Variants in AGPS observed in about 807,000 individuals in gnomAD.
AGPS encodes the protein alkyldihydroxyacetonephosphate synthase, peroxisomal.
A neutral mutation model predicts 90.7 loss-of-function variants in AGPS; 26 were observed. The ratio of observed to expected loss-of-function variants is 0.29; its 90% CI spans 0.21 to 0.40. The LOEUF (loss-of-function observed/expected upper bound fraction) is 0.40, where lower values mean the gene tolerates loss of function less well. Ranked by LOEUF, AGPS falls within the 10% of genes least tolerant of loss-of-function variation. The pLI, the probability that AGPS is intolerant of heterozygous loss-of-function variation, is 1.00. For missense variants in AGPS, 540 were observed against 816.1 expected (o/e 0.66, Z 4.12); for synonymous variants, 294 against 285.3 (o/e 1.03, Z -0.31).
At chr2:177,475,441 A>C (rs748838516) in intron 10 of AGPS, among the ~76,000 whole-genome samples, 1 of 152,248 alleles carries the variant, frequency 6.6e-6, no homozygotes, top group East Asian at 1.9e-4. Flanking sequence ...TCTTTTAGCT[A>C]TCACCATTCC....
intron 1 of AGPS, among the ~76,000 whole-genome samples, chr2:177,412,080 A>G (rs1262052306): frequency 1.3e-5 from 2 of 152,170 alleles, no homozygotes; most frequent in South Asian, 2.1e-4. Flanking sequence ...TAGATGCCTA[A>G]GGACACAGCA....
At chr2:177,455,408 T>C (rs1049149156) in intron 8 of AGPS, among the ~76,000 whole-genome samples, 7 of 152,162 alleles carry the variant, frequency 4.6e-5, no homozygotes, top group African/African-American at 1.7e-4. Flanking sequence ...TACTTTCTCA[T>C]AGGATCACCG....
At chr2:177,419,992 A>G (rs1350855595) in intron 1 of AGPS, among the ~76,000 whole-genome samples, 2 of 151,820 alleles carry the variant, frequency 1.3e-5, no homozygotes, top group Non-Finnish European at 3.0e-5. Flanking sequence ...TTTTAAGCAT[A>G]TCTTCTTCCT....
chr2:177,394,391 A>C (rs1384882261), intron 1 of AGPS, among the ~76,000 whole-genome samples: 3 of 152,204 alleles, frequency 2.0e-5, no homozygotes. Context: ...TAGTTTGCCA[A>C]AGGGGGAAAT....
chr2:177,468,314 A>G, intron 9 of AGPS, 102 bp from the exon 10 acceptor site: 1 of 650,296 alleles, frequency 1.5e-6, no homozygotes, highest in Non-Finnish European at 2.7e-6. Flanking sequence ...TTAACCCAAT[A>G]CTTTAAAAGT....
chr2:177,430,265 A>C (rs919397354), intron 2 of AGPS, among the ~76,000 whole-genome samples: 2 of 152,188 alleles, frequency 1.3e-5, no homozygotes, highest in African/African-American at 4.8e-5. Flanking sequence ...ATTCCAAGCC[A>C]GTGGGTCTTA....
intron 8 of AGPS, among the ~76,000 whole-genome samples, chr2:177,457,261 C>T (rs1475991059): frequency 6.6e-6 from 1 of 151,762 alleles, no homozygotes; most frequent in Non-Finnish European, 1.5e-5. Context: ...AAATTGACAC[C>T]CTAACATCAA....
At chr2:177,408,102 A>G (rs757696802) in intron 1 of AGPS, among the ~76,000 whole-genome samples, 2 of 152,176 alleles carry the variant, frequency 1.3e-5, no homozygotes, top group African/African-American at 2.4e-5. Flanking sequence ...TTTCTAGTAA[A>G]TGTCACCTTA....
At chr2:177,525,632 T>C (rs1439378525) in intron 19 of AGPS, among the ~76,000 whole-genome samples, 1 of 152,186 alleles carries the variant, frequency 6.6e-6, no homozygotes, top group Non-Finnish European at 1.5e-5. Context: ...GAGGCTTAAT[T>C]GTCTTTAGGT....
At chr2:177,533,971 T>C (rs1212162153) in intron 19 of AGPS, among the ~76,000 whole-genome samples, 1 of 152,250 alleles carries the variant, frequency 6.6e-6, no homozygotes, top group Non-Finnish European at 1.5e-5. Flanking sequence ...CTTCTGAGCT[T>C]CACCTTCAAT....
chr2:177,480,823 T>C (rs1007140754), intron 10 of AGPS, among the ~76,000 whole-genome samples: 1 of 152,026 alleles, frequency 6.6e-6, no homozygotes, highest in African/African-American at 2.4e-5. Flanking sequence ...CTAAATTATG[T>C]CTCAGTAAAG....
chr2:177,397,601 A>G (rs1243599986), intron 1 of AGPS, among the ~76,000 whole-genome samples: 1 of 152,056 alleles, frequency 6.6e-6, no homozygotes, highest in Non-Finnish European at 1.5e-5. Flanking sequence ...TGTGGTTTGC[A>G]TTAGTCAGAA....
chr2:177,516,387 A>T (rs1018042616), intron 17 of AGPS, among the ~76,000 whole-genome samples: 16 of 152,092 alleles, frequency 1.1e-4, no homozygotes, highest in Non-Finnish European at 1.9e-4. Flanking sequence ...AGCACAAAAA[A>T]ATTTTTTTAA....
At chr2:177,397,086 C>G (rs1685201112) in intron 1 of AGPS, among the ~76,000 whole-genome samples, 1 of 151,800 alleles carries the variant, frequency 6.6e-6, no homozygotes, top group South Asian at 2.1e-4. Flanking sequence ...ATTACAGAGC[C>G]TGCCACTGTG....
intron 19 of AGPS, among the ~76,000 whole-genome samples, chr2:177,537,273 C>G (rs972933904): frequency 5.9e-5 from 9 of 152,042 alleles, no homozygotes; most frequent in Non-Finnish European, 1.0e-4. Context: ...TTATGTTTTT[C>G]ATTGAGTACC....
At chr2:177,481,297 TTTAAC>T (rs1236393916) in intron 10 of AGPS, among the ~76,000 whole-genome samples, 3 of 152,054 alleles carry the variant, frequency 2.0e-5, no homozygotes, top group Admixed American at 6.5e-5. Flanking sequence ...AATATAATAG[TTTAAC>T]TTATTTTTTC....
intron 2 of AGPS, among the ~76,000 whole-genome samples, 192 bp downstream of exon 2, chr2:177,420,550 TTGTG>T (rs1191731930): frequency 6.6e-6 from 1 of 151,420 alleles, no homozygotes; most frequent in Non-Finnish European, 1.5e-5. Context: ...ATATATGTAT[TTGTG>T]TGTGTGTATA....
intron 2 of AGPS, among the ~76,000 whole-genome samples, chr2:177,421,240 C>T (rs1685931210): frequency 6.6e-6 from 1 of 151,878 alleles, no homozygotes; most frequent in Non-Finnish European, 1.5e-5. Flanking sequence ...TAAAAAGAAA[C>T]TGAGACTAAG....
intron 10 of AGPS, among the ~76,000 whole-genome samples, chr2:177,479,060 A>G (rs2105689705): frequency 6.6e-6 from 1 of 152,264 alleles, no homozygotes; most frequent in Middle Eastern, 3.4e-3. Flanking sequence ...CCCAGAGAGA[A>G]TCTCTGAACC....
Sources: allele counts gnomAD v4.1 joint callset (sites outside exome capture counted in the v4.1 genomes callset), GRCh38; gene constraint gnomAD v4.1.1; transcripts MANE v1.5; gene names NCBI Gene and HGNC (gene_info 2026-07-23, HGNC 2026-07-21).